The following HYDIN variants were observed in gnomAD, a reference collection of about 807,000 sequenced individuals.
The protein encoded by HYDIN is axonemal central pair apparatus protein HYDIN.
A neutral mutation model predicts 403.9 loss-of-function variants in HYDIN; 132 were observed. The ratio of observed to expected loss-of-function variants is 0.33; its 90% CI spans 0.28 to 0.38. The LOEUF (loss-of-function observed/expected upper bound fraction) is 0.38. Among genes scored for constraint, HYDIN ranks in the 10% least tolerant of loss-of-function variants. The pLI is 1.00. For synonymous variants in HYDIN, 1,202 were observed against 1,891.7 expected (o/e 0.64, Z 9.46); for missense variants, 2,827 against 5,009.5 (o/e 0.56, Z 13.15).
At chr16:71,051,660 C>CAAAA (rs1219589325) in intron 18 of HYDIN, among the ~76,000 whole-genome samples, 2 of 90,344 alleles carry the variant, frequency 2.2e-5, no homozygotes, top group African/African-American at 3.8e-5. Context: ...AAAAAAAAAA[C>CAAAA]AAAAAAAACA....
intron 18 of HYDIN, among the ~76,000 whole-genome samples, chr16:71,032,591 C>G: frequency 7.6e-6 from 1 of 130,806 alleles, no homozygotes; most frequent in Non-Finnish European, 1.7e-5. Flanking sequence ...TAGAGCGAGA[C>G]AGTGGAGTCT....
chr16:70,979,919 G>GTATC (rs1189278029), intron 29 of HYDIN, among the ~76,000 whole-genome samples: 1 of 149,702 alleles, frequency 6.7e-6, no homozygotes, highest in Admixed American at 6.6e-5. Flanking sequence ...GCAAGACTCT[G>GTATC]TATCAAACAA....
rs2035200466 is a variant in HYDIN, at chr16:70,807,926, G to A, written c.15020C>T (p.Ser5007Leu). 6 of 1,614,050 alleles carry A rather than the reference G, an allele frequency of 3.7e-6. 1 individual carries two copies. The highest frequency in any genetic ancestry group is 3.3e-5 in the South Asian group (3 of 91,084). ...GATGATATACTCTCCACCTGCGAGC[G>A]ATGATAGGATCAGGATGCCCTTGGT... is the stretch of plus-strand genomic sequence containing the variant. ...GETKGILILS[S>L]LAGGEYIIPL... Residue 5007 changes from serine to leucine, a missense_variant, in exon 86 of 86, where the codon TCG (serine) becomes TTG (leucine). Ser to Leu is a moderately radical substitution (Grantham distance 145). Transcript: ENST00000393567.
At chr16:71,227,179 G>A (rs1382528461) in intron 1 of HYDIN, among the ~76,000 whole-genome samples, 1 of 151,124 alleles carries the variant, frequency 6.6e-6, no homozygotes, top group Non-Finnish European at 1.5e-5. Flanking sequence ...ATATATATAT[G>A]AATGATATGG....
At chr16:70,954,468 A>G (rs112949756) in intron 40 of HYDIN, among the ~76,000 whole-genome samples, 247 of 149,730 alleles carry the variant, frequency 1.6e-3, no homozygotes, top group African/African-American at 3.9e-3. Context: ...AAAAAAAAAA[A>G]AAAGAAAGAA....
rs577128203 is a variant in HYDIN, at chr16:71,055,864, G to A, written c.2529+4640C>T. Among the ~76,000 whole-genome samples, 6 of 152,172 alleles carry A rather than the reference G, an allele frequency of 3.9e-5. No individual in the cohort carries two copies. In the South Asian group the frequency reaches 8.3e-4, roughly 21 times the overall value. On this transcript the variant is annotated intron_variant, in intron 18 of 85. Transcript: ENST00000393567. ...TTAGAGCCAAGAGCAAAAAGAAAAC[G>A]ATTCCAGATGCTTCCAAACAAGTGC... is the stretch of plus-strand genomic sequence containing the variant.
intron 8 of HYDIN, among the ~76,000 whole-genome samples, chr16:71,130,470 G>GTTTTT (rs56853905): frequency 2.8e-4 from 21 of 75,786 alleles, no homozygotes; most frequent in Non-Finnish European, 4.4e-4. Flanking sequence ...ATATATACCG[G>GTTTTT]TTTTTTTTTT....
intron 73 of HYDIN, among the ~76,000 whole-genome samples, chr16:70,854,349 C>T (rs1272728838): frequency 3.3e-5 from 5 of 149,298 alleles, no homozygotes; most frequent in African/African-American, 7.5e-5. Flanking sequence ...ATTCTCATGC[C>T]TCAGCCTCCC....
chr16:71,224,114 T>C (rs949590428), intron 1 of HYDIN, among the ~76,000 whole-genome samples: 1 of 152,182 alleles, frequency 6.6e-6, no homozygotes, highest in Non-Finnish European at 1.5e-5. Context: ...TACTCAACCA[T>C]AAGGAGTGAC....
intron 77 of HYDIN, among the ~76,000 whole-genome samples, chr16:70,837,404 C>G (rs915948207): frequency 6.6e-6 from 1 of 152,160 alleles, no homozygotes; most frequent in African/African-American, 2.4e-5. Context: ...TCTCAAATTT[C>G]TCCAAGAAAA....
chr16:71,174,951 T>A (rs1435474984), intron 5 of HYDIN, among the ~76,000 whole-genome samples: 2 of 152,106 alleles, frequency 1.3e-5, no homozygotes, highest in African/African-American at 4.8e-5. Flanking sequence ...AAGAAAGTCA[T>A]AACCAATTAA....
intron 1 of HYDIN, among the ~76,000 whole-genome samples, chr16:71,223,015 A>C (rs1467915926): frequency 6.6e-6 from 1 of 152,210 alleles, no homozygotes; most frequent in African/African-American, 2.4e-5. Flanking sequence ...CACAAAGCTA[A>C]AGCAATACTA....
intron 83 of HYDIN, among the ~76,000 whole-genome samples, chr16:70,819,726 A>G (rs1265470525): frequency 6.7e-6 from 1 of 148,680 alleles, no homozygotes; most frequent in Non-Finnish European, 1.5e-5. Context: ...GGGTTGTTTT[A>G]TCTTATTATT....
At chr16:71,136,990 C>T (rs2084949920) in intron 8 of HYDIN, among the ~76,000 whole-genome samples, 161 bp downstream of exon 8, 1 of 150,470 alleles carries the variant, frequency 6.6e-6, no homozygotes, top group Non-Finnish European at 1.5e-5. Flanking sequence ...TTCAAATGAG[C>T]AGCTTCAAAA....
At chr16:71,150,828 T>G (rs1420449956) in intron 7 of HYDIN, among the ~76,000 whole-genome samples, 2 of 152,162 alleles carry the variant, frequency 1.3e-5, no homozygotes, top group Non-Finnish European at 2.9e-5. Flanking sequence ...TGACTAGTAT[T>G]TAGAATACTG....
intron 1 of HYDIN, among the ~76,000 whole-genome samples, chr16:71,208,618 T>C (rs1486418369): frequency 6.6e-6 from 1 of 152,006 alleles, no homozygotes; most frequent in Non-Finnish European, 1.5e-5. Flanking sequence ...ATCCAGAGGT[T>C]TATTTTTTGA....
chr16:70,824,532 CTTT>C (rs11452010), intron 83 of HYDIN, among the ~76,000 whole-genome samples: 2 of 145,576 alleles, frequency 1.4e-5, no homozygotes, highest in East Asian at 2.0e-4. Flanking sequence ...CTTTGATTCA[CTTT>C]TTTTTTTTTT....
At chr16:71,186,020 A>C (rs1463352869) in intron 2 of HYDIN, among the ~76,000 whole-genome samples, 1 of 152,318 alleles carries the variant, frequency 6.6e-6, no homozygotes, top group African/African-American at 2.4e-5. Context: ...AAATGTTAAG[A>C]GGTGTCAGCT....
At position 70,860,891 on chromosome 16, in the gene HYDIN, G is replaced by A. The variant is rs1256004171; in HGVS notation, c.11788C>T (p.Leu3930=). 3.2e-6 allele frequency: 2 copies of A among 619,690 alleles called. No individual in the cohort carries two copies. The highest frequency in any genetic ancestry group is 3.0e-5 in the Admixed American group (1 of 33,742). The allele number at this position is 619,690 out of a possible 1,614,324, so 38.4% of individuals were successfully genotyped here. A position where few individuals can be genotyped will look rare whatever the true frequency, so the allele number is the denominator to read the frequency against. The change falls in exon 70 of 86, where the codon CTG becomes TTG. Residue 3930 remains leucine (L), a synonymous_variant. Coordinates refer to ENST00000393567, the MANE Select transcript of HYDIN (RefSeq NM_001270974.2). ...ACCGGACCTTGCTCTCCAGGTGGCAGGTTGGGAATCCTGAGAGGATAAGGT... is the reference window on the plus strand; with the variant it reads ...ACCGGACCTTGCTCTCCAGGTGGCAAGTTGGGAATCCTGAGAGGATAAGGT... The part of the protein sequence containing the change: ...ESNLFCQIPN[L]PPGEQGPVLV...
Sources: allele counts gnomAD v4.1 joint callset (sites outside exome capture counted in the v4.1 genomes callset), GRCh38; gene constraint gnomAD v4.1.1; transcripts MANE v1.5; gene names NCBI Gene and HGNC (gene_info 2026-07-23, HGNC 2026-07-21).